The following ERCC2 variants were observed in gnomAD, a reference collection of about 807,000 sequenced individuals.
ERCC2 encodes general transcription and DNA repair factor IIH helicase subunit XPD.
Under a neutral mutation model 99.4 loss-of-function variants are expected in ERCC2, and 90 were observed. The ratio of observed to expected loss-of-function variants is 0.91; its 90% CI spans 0.76 to 1.08. The LOEUF is 1.08. Ranked by LOEUF, ERCC2 falls within the 50% of genes least tolerant of loss-of-function variation. The pLI, the probability that ERCC2 is intolerant of heterozygous loss-of-function variation, is 0.00. For synonymous variants in ERCC2, 497 were observed against 432.4 expected (o/e 1.15, Z -1.85); for missense variants, 993 against 1,038.1 (o/e 0.96, Z 0.60).
intron 11 of ERCC2, 76 bp from the exon 12 acceptor site, chr19:45,361,718 C>A (rs750267293): frequency 5.6e-6 from 6 of 1,078,570 alleles, no homozygotes; most frequent in Non-Finnish European, 8.6e-6. Context: ...TCCGCCATCA[C>A]GACGGTCACG....
At chr19:45,356,985 C>G (rs956548724) in intron 15 of ERCC2, among the ~76,000 whole-genome samples, 1 of 152,234 alleles carries the variant, frequency 6.6e-6, no homozygotes, top group African/African-American at 2.4e-5. Flanking sequence ...CTACCTGTGC[C>G]AGGCCCTGGG....
Position 45,349,921 on chromosome 19 carries a change from CTA to C in ERCC2, c.*1706_*1707del, listed in dbSNP as rs1299184257. ...CACATCGCTAGTTCTTATAGCGTCC[CTA>C]TGAGGTGGGAGCTGTCGCTCCACTT... On this transcript the variant is annotated 3_prime_UTR_variant, in exon 23 of 23. Coordinates refer to ENST00000391945, the MANE Select transcript of ERCC2 (RefSeq NM_000400.4). 1 of 434,638 alleles carries C rather than the reference CTA, an allele frequency of 2.3e-6. No individual in the cohort carries two copies. Among genetic ancestry groups the C allele is most frequent in the Non-Finnish European group, 4.1e-6 (1 of 242,652 alleles). 26.9% of individuals were successfully genotyped at this position (434,638 alleles called of 1,614,324 possible).
In ERCC2 at chr19:45,351,694, T is replaced by C; in HGVS notation, c.2218A>G (p.Ser740Gly). The C allele has an allele frequency of 1.2e-6, 2 of 1,613,900 alleles. No homozygotes were observed. Among genetic ancestry groups the C allele is most frequent in the Non-Finnish European group, 8.5e-7 (1 of 1,179,988 alleles). ...REDQLGLSLL[S>G]LEQLESEETL... is the part of the protein sequence containing the mutation. ...TCCTCTGATTCTAGCTGCTCCAGGCTGAGCAGGGACAGGCCCAGCTGATCC... is the reference window on the plus strand; with the variant it reads ...TCCTCTGATTCTAGCTGCTCCAGGCCGAGCAGGGACAGGCCCAGCTGATCC... The change falls in exon 23 of 23, where the codon AGC becomes GGC. Residue 740 changes from serine to glycine, a missense_variant. Ser to Gly is a moderately conservative substitution (Grantham distance 56). Around this residue, in one of 3 missense-constraint regions of ERCC2, gnomAD observed 909 missense variants for 930.8 expected, o/e 0.98. Coordinates refer to ENST00000391945, the MANE Select transcript of ERCC2 (RefSeq NM_000400.4).
chr19:45,351,939 C>T (rs1217407747), intron 22 of ERCC2, among the ~76,000 whole-genome samples: 1 of 152,164 alleles, frequency 6.6e-6, no homozygotes. Context: ...CGGCTTTCTC[C>T]AGGCCAGCAC....
Position 45,351,712 on chromosome 19 carries a change from G to A in ERCC2, c.2200C>T (p.Leu734=), listed in dbSNP as rs1205272898. ...MAQPFHREDQ[L]GLSLLSLEQL... ...TCCAGGCTGAGCAGGGACAGGCCCA[G>A]CTGATCCTCCTGCAGAGAACAGAGG... The change falls in exon 23 of 23, where the codon CTG becomes TTG. Residue 734 remains leucine, a synonymous_variant. Coordinates refer to ENST00000391945, the MANE Select transcript of ERCC2 (RefSeq NM_000400.4). 6.2e-7 allele frequency: 1 copy of A among 1,613,812 alleles called. No homozygotes were observed. Among genetic ancestry groups the A allele is most frequent in the East Asian group, 2.2e-5 (1 of 44,870 alleles).
chr19:45,352,147 G>GGGGACTTTCTGGAGGAGAAGC (rs1971822649), intron 22 of ERCC2, 62 bp downstream of exon 22: 4 of 1,585,744 alleles, frequency 2.5e-6, no homozygotes, highest in Non-Finnish European at 3.4e-6. Flanking sequence ...GAGAATCCAA[G>GGGGACTTTCTGGAGGAGAAGC]GGGACTTTCT....
chr19:45,360,087 T>C (rs1435375932), intron 12 of ERCC2, among the ~76,000 whole-genome samples: 1 of 148,288 alleles, frequency 6.7e-6, no homozygotes, highest in Non-Finnish European at 1.5e-5. Flanking sequence ...TTTTTTTTCT[T>C]TTTTTTTTTT....
chr19:45,364,236 T>TGA lies in ERCC2; in HGVS notation c.812_813dup (p.Arg272SerfsTer63). Reference sequence around the variant, plus strand: ...ACCGCCAGACGTCCCCGGCCCCACCTGAGCACCGTCTTCTGCAGGGTCTCC... The same window carrying TGA: ...ACCGCCAGACGTCCCCGGCCCCACCTGAGAGCACCGTCTTCTGCAGGGTCTCC... On this transcript the variant is annotated frameshift_variant and splice_region_variant, in exon 9 of 23. Transcript: ENST00000391945. LOFTEE classifies it high-confidence loss of function. The TGA allele has an allele frequency of 1.2e-6, 2 of 1,613,542 alleles. No homozygotes were observed. Among genetic ancestry groups the TGA allele is most frequent in the Non-Finnish European group, 1.7e-6 (2 of 1,179,866 alleles).
At chr19:45,362,704 G>A (rs973735578) in intron 11 of ERCC2, among the ~76,000 whole-genome samples, 4 of 152,254 alleles carry the variant, frequency 2.6e-5, no homozygotes, top group African/African-American at 9.6e-5. Flanking sequence ...CAGGCACTTG[G>A]GGAATGTGTG....
At position 45,352,773 on chromosome 19, in the gene ERCC2, G is replaced by A. The variant is rs146538967; in HGVS notation, c.1875C>T (p.Tyr625=). The stretch of plus-strand genomic sequence containing the variant: ...TGAGAATGCGGCTCTGTGTGTAGAC[G>A]TAGGGGACGCCAAACATGATGACGG... ...GRAVIMFGVP[Y]VYTQSRILKA... is the part of the protein sequence containing the mutation. Residue 625 remains tyrosine (Y), a synonymous_variant, in exon 20 of 23, where the codon TAC becomes TAT. Coordinates refer to ENST00000391945, the MANE Select transcript of ERCC2 (RefSeq NM_000400.4). 37 of 1,607,918 alleles carry A rather than the reference G, an allele frequency of 2.3e-5. No individual in the cohort carries two copies. The highest frequency in any genetic ancestry group is 1.5e-4 in the African/African-American group (11 of 73,128).
rs369281985 is a variant in ERCC2, at chr19:45,367,154, T to A, written c.360+1476A>T. Among the ~76,000 whole-genome samples, 109 of 152,184 alleles carry A rather than the reference T, an allele frequency of 7.2e-4. 1 individual carries two copies. In the Middle Eastern group the frequency reaches 0.014, roughly 19 times the overall value. On this transcript the variant is annotated intron_variant, in intron 5 of 22. Transcript: ENST00000391945. Reference sequence around the variant, plus strand: ...GAGTTAGAGACCAGCCTAACCAACATGGTGAAACACCGTCTCTACTAAAAA... The same window carrying A: ...GAGTTAGAGACCAGCCTAACCAACAAGGTGAAACACCGTCTCTACTAAAAA...
chr19:45,356,415 C>T (rs992803586), intron 15 of ERCC2, among the ~76,000 whole-genome samples: 5 of 152,164 alleles, frequency 3.3e-5, no homozygotes, highest in African/African-American at 4.8e-5. Context: ...CTTTTACTGC[C>T]GAAATGGGAG....
In ERCC2 at chr19:45,350,893, C is replaced by T. The variant is rs1599718845; in HGVS notation, c.*736G>A. On this transcript the variant is annotated 3_prime_UTR_variant, in exon 23 of 23. Transcript: ENST00000391945. ...AGATCAAACCCTGTGCTGGAAAGGT[C>T]CCTCGTGGAGGGGGGCCACTCCTGG... is the stretch of plus-strand genomic sequence containing the variant. The T allele has an allele frequency of 1.9e-6, 3 of 1,571,664 alleles. No individual in the cohort carries two copies. The East Asian group carries it at 6.8e-5, about 35-fold the overall frequency.
intron 17 of ERCC2, among the ~76,000 whole-genome samples, chr19:45,353,898 C>G (rs1452480113): frequency 1.3e-5 from 2 of 152,172 alleles, no homozygotes; most frequent in Non-Finnish European, 2.9e-5. Flanking sequence ...CCACAAGCTC[C>G]TAGAAGGAAA....
chr19:45,360,528 C>T (rs1267247588), intron 12 of ERCC2, among the ~76,000 whole-genome samples: 2 of 151,994 alleles, frequency 1.3e-5, no homozygotes, highest in East Asian at 3.9e-4. Context: ...CAGGAGCCCA[C>T]CATCACACCT....
intron 15 of ERCC2, among the ~76,000 whole-genome samples, chr19:45,356,961 T>C (rs1972033177): frequency 6.6e-6 from 1 of 152,192 alleles, no homozygotes; most frequent in South Asian, 2.1e-4. Context: ...GATGCTAAGA[T>C]GCTGACTAAG....
At chr19:45,368,093 C>T (rs369335186) in intron 5 of ERCC2, among the ~76,000 whole-genome samples, 1 of 151,760 alleles carries the variant, frequency 6.6e-6, no homozygotes, top group African/African-American at 2.4e-5. Context: ...AGGATGGTCT[C>T]GAACTCCTGA....
intron 22 of ERCC2, 59 bp downstream of exon 22, chr19:45,352,150 G>A: frequency 6.3e-7 from 1 of 1,590,418 alleles, no homozygotes; most frequent in African/African-American, 1.3e-5. Context: ...AATCCAAGGG[G>A]ACTTTCTGGA....
rs565867458 is a variant in ERCC2 at position 45,351,410 on chromosome 19, G to A, written c.*219C>T. 6 of 1,598,336 alleles carry A rather than the reference G, an allele frequency of 3.8e-6. No individual in the cohort carries two copies. The Admixed American group carries it at 6.7e-5, about 18-fold the overall frequency. On this transcript the variant is annotated 3_prime_UTR_variant, in exon 23 of 23. Coordinates refer to ENST00000391945, the MANE Select transcript of ERCC2 (RefSeq NM_000400.4). ...TTCTTGGGAACAGTGCAGGAGGGATGGGCTGGTGGGGTGAGAGGGGGTCTA... is the reference window on the plus strand; with the variant it reads ...TTCTTGGGAACAGTGCAGGAGGGATAGGCTGGTGGGGTGAGAGGGGGTCTA...
Sources: allele counts gnomAD v4.1 joint callset (sites outside exome capture counted in the v4.1 genomes callset), GRCh38; gene constraint gnomAD v4.1.1; regional missense constraint gnomAD v4.1.1; transcripts MANE v1.5; gene names NCBI Gene and HGNC (gene_info 2026-07-23, HGNC 2026-07-21).